ANTXR2: variants seen among roughly 807,000 people sequenced by gnomAD.
ANTXR2 encodes the protein anthrax toxin receptor 2.
In ANTXR2, 44 loss-of-function variants were observed where a neutral mutation model predicts 73.7. That is an observed-to-expected ratio of 0.60 (90% CI 0.47 to 0.77). The LOEUF (loss-of-function observed/expected upper bound fraction) is 0.77, where lower values mean the gene tolerates loss of function less well. ANTXR2 is among the 30% of genes least tolerant of loss of function. ANTXR2 has a pLI of 0.00. For synonymous variants in ANTXR2, 217 were observed against 205.9 expected (o/e 1.05, Z -0.46); for missense variants, 604 against 592.5 (o/e 1.02, Z -0.20).
intron 3 of ANTXR2, 58 bp downstream of exon 3, chr4:80,069,378 T>C (rs1734674167): frequency 1.5e-6 from 2 of 1,349,584 alleles, no homozygotes; most frequent in African/African-American, 2.9e-5. Context: ...GAAATATCAA[T>C]CATGCCTTTA....
At chr4:80,007,802 A>AAG (rs1731379578) in intron 12 of ANTXR2, among the ~76,000 whole-genome samples, 1 of 152,226 alleles carries the variant, frequency 6.6e-6, no homozygotes, top group African/African-American at 2.4e-5. Flanking sequence ...GCATTCAGAA[A>AAG]GAAACACATC....
chr4:79,917,371 C>T (rs1727396906), intron 16 of ANTXR2, among the ~76,000 whole-genome samples: 1 of 152,124 alleles, frequency 6.6e-6, no homozygotes. Context: ...AAGGTGGCAG[C>T]CTGCTGAAAC....
At chr4:80,054,152 T>C (rs1733879023) in intron 7 of ANTXR2, 120 bp downstream of exon 7, 1 of 743,224 alleles carries the variant, frequency 1.3e-6, no homozygotes, top group Non-Finnish European at 2.2e-6. Flanking sequence ...CAAACAAATC[T>C]CTTCCTTAAT....
chr4:79,943,712 G>A (rs1728402561), intron 16 of ANTXR2, among the ~76,000 whole-genome samples: 1 of 141,756 alleles, frequency 7.1e-6, no homozygotes, highest in African/African-American at 2.7e-5. Flanking sequence ...ATGTGCACAT[G>A]TACCCTAAAA....
At chr4:80,025,185 G>C (rs959613375) in intron 10 of ANTXR2, among the ~76,000 whole-genome samples, 2 of 152,122 alleles carry the variant, frequency 1.3e-5, no homozygotes, top group Non-Finnish European at 2.9e-5. Flanking sequence ...TTCCACATGA[G>C]AAATTATTAA....
chr4:79,923,907 T>A (rs1727684786), intron 16 of ANTXR2, among the ~76,000 whole-genome samples: 1 of 152,166 alleles, frequency 6.6e-6, no homozygotes. Context: ...GGAGGAATCC[T>A]TCTGTATTTA....
upstream of ANTXR2, chr4:80,073,411 C>T (rs1315096180): frequency 1.3e-5 from 2 of 152,186 alleles, no homozygotes; most frequent in African/African-American, 2.4e-5. Flanking sequence ...GTCCTGCAGG[C>T]CTGGCCTATT....
At chr4:79,908,618 T>C (rs1578072788) in intron 16 of ANTXR2, among the ~76,000 whole-genome samples, 5 of 152,310 alleles carry the variant, frequency 3.3e-5, no homozygotes, top group South Asian at 4.1e-4. Flanking sequence ...TATCTGTCTT[T>C]TAAATACTTT....
intron 16 of ANTXR2, among the ~76,000 whole-genome samples, chr4:79,946,901 T>C (rs1325999751): frequency 6.6e-6 from 1 of 152,118 alleles, no homozygotes; most frequent in Non-Finnish European, 1.5e-5. Context: ...CCTAAAACCT[T>C]AGGCTCTAGA....
At chr4:80,055,523 A>T in intron 4 of ANTXR2, 56 bp from the exon 5 acceptor site, 1 of 1,386,582 alleles carries the variant, frequency 7.2e-7, no homozygotes, top group Non-Finnish European at 1.0e-6. Flanking sequence ...TTTAACCAGC[A>T]TGTTCCATCA....
In ANTXR2 at chr4:80,032,135, G is replaced by T. The variant is rs1030292641; in HGVS notation, c.797-443C>A. Among the ~76,000 whole-genome samples, 7 of 151,696 alleles carry T rather than the reference G, an allele frequency of 4.6e-5. No individual in the cohort carries two copies. The South Asian group carries it at 1.5e-3, about 31-fold the overall frequency. On this transcript the variant is annotated intron_variant, in intron 9 of 16. Coordinates refer to ENST00000403729, the MANE Select transcript of ANTXR2 (RefSeq NM_058172.6). ...TCTACAATAAATAAATGCATTTTAT[G>T]AAGTCACATACTTAAATCGCCCTTG...
chr4:79,909,221 A>C (rs1166547897), intron 16 of ANTXR2, among the ~76,000 whole-genome samples: 1 of 152,152 alleles, frequency 6.6e-6, no homozygotes, highest in East Asian at 1.9e-4. Context: ...TAGACCAAAA[A>C]GTAATAGTTT....
chr4:79,936,890 C>A (rs4234849), intron 16 of ANTXR2, among the ~76,000 whole-genome samples: 114,384 of 151,914 alleles, frequency 0.75, 43,350 homozygotes, highest in East Asian at 0.96. Flanking sequence ...ACTGTACTAA[C>A]CAATGGTAAA....
rs753388642 is a variant in ANTXR2, at chr4:79,906,315, C to T, written c.*1114G>A. 1.1e-4 allele frequency: 17 copies of T among 152,580 alleles called. No individual in the cohort carries two copies. Among genetic ancestry groups the T allele is most frequent in the African/African-American group, 2.9e-4 (12 of 41,498 alleles). The allele number at this position is 152,580 out of a possible 1,614,324, so 9.5% of individuals were successfully genotyped here. The stretch of plus-strand genomic sequence containing the variant: ...AGTGCCCCTCAAAATCCAAGTAATG[C>T]GCATACAGTAATAGGTCATTCAATG... On this transcript the variant is annotated 3_prime_UTR_variant, in exon 17 of 17. Coordinates refer to ENST00000403729, the MANE Select transcript of ANTXR2 (RefSeq NM_058172.6).
intron 16 of ANTXR2, among the ~76,000 whole-genome samples, chr4:79,915,862 C>CTCTCTATATATATATATATATA (rs377006532): frequency 1.6e-5 from 2 of 123,876 alleles, no homozygotes; most frequent in African/African-American, 6.1e-5. Flanking sequence ...CTCTCTCTCT[C>CTCTCTATATATATATATATATA]TATATATATA....
At position 80,008,588 on chromosome 4, in the gene ANTXR2, A is replaced by G. The variant is rs1731421578; in HGVS notation, c.974T>C (p.Ile325Thr). 9 of 1,606,120 alleles carry G rather than the reference A, an allele frequency of 5.6e-6. No individual in the cohort carries two copies. The East Asian group carries it at 2.0e-4, about 36-fold the overall frequency. Residue 325 changes from isoleucine (I) to threonine (T), a missense_variant, in exon 12 of 17, where the codon ATT becomes ACT. Transcript: ENST00000403729. ...CSNGIAAIIV[I>T]LVLLLLLGIG... ...CCCCAGGAGTAGCAGTAACACCAAAATAACAATGATGGCTGCGATCCCGTT... is the reference window on the plus strand; with the variant it reads ...CCCCAGGAGTAGCAGTAACACCAAAGTAACAATGATGGCTGCGATCCCGTT...
chr4:79,972,997 T>C (rs904401868), intron 16 of ANTXR2, among the ~76,000 whole-genome samples: 1 of 145,574 alleles, frequency 6.9e-6, no homozygotes, highest in Non-Finnish European at 1.5e-5. Context: ...AATTAACATA[T>C]AAAAATGTAT....
chr4:80,030,960 A>C (rs1732661289), intron 10 of ANTXR2, among the ~76,000 whole-genome samples: 2 of 152,056 alleles, frequency 1.3e-5, no homozygotes, highest in South Asian at 4.1e-4. Flanking sequence ...AAAAATCACA[A>C]ATGGGAACAC....
intron 16 of ANTXR2, among the ~76,000 whole-genome samples, chr4:79,957,202 T>A (rs969314782): frequency 2.0e-5 from 3 of 152,164 alleles, no homozygotes; most frequent in Non-Finnish European, 4.4e-5. Flanking sequence ...AAGAGTCTAA[T>A]TCTAACTTCT....
Sources: allele counts gnomAD v4.1 joint callset (sites outside exome capture counted in the v4.1 genomes callset), GRCh38; gene constraint gnomAD v4.1.1; transcripts MANE v1.5; gene names NCBI Gene and HGNC (gene_info 2026-07-23, HGNC 2026-07-21).